TMEM209: variants seen among roughly 807,000 people sequenced by gnomAD.
TMEM209 encodes the protein transmembrane protein 209.
Under a neutral mutation model 76.2 loss-of-function variants are expected in TMEM209, and 65 were observed. The observed-to-expected ratio is 0.85, with a 90% CI of 0.70 to 1.05. The LOEUF is 1.05. TMEM209 is among the 50% of genes least tolerant of loss of function. TMEM209 has a pLI of 0.00. For missense variants in TMEM209, 623 were observed against 685.5 expected, an observed-to-expected ratio of 0.91 and a Z score of 1.02; for synonymous variants, 239 against 237.6, an observed-to-expected ratio of 1.01 and a Z score of -0.06.
chr7:130,176,115 CT>C (rs71178559), intron 10 of TMEM209, among the ~76,000 whole-genome samples: 160 of 140,420 alleles, frequency 1.1e-3, no homozygotes, highest in Middle Eastern at 3.6e-3. Context: ...TCACTGTATT[CT>C]TTTTTTTTTT....
chr7:130,189,371 T>C (rs1171000772), intron 6 of TMEM209, among the ~76,000 whole-genome samples: 1 of 152,044 alleles, frequency 6.6e-6, no homozygotes, highest in Non-Finnish European at 1.5e-5. Flanking sequence ...AATTTTTTAG[T>C]AGAGGTGGGG....
At chr7:130,204,211 T>TAC in intron 1 of TMEM209, 101 bp from the exon 2 acceptor site, 1 of 1,246,948 alleles carries the variant, frequency 8.0e-7, no homozygotes, top group Non-Finnish European at 1.1e-6. Context: ...AAACCGCATA[T>TAC]ACCTTCTCTC....
intron 6 of TMEM209, among the ~76,000 whole-genome samples, chr7:130,185,699 A>C: frequency 6.6e-6 from 1 of 152,232 alleles, no homozygotes; most frequent in East Asian, 1.9e-4. Context: ...AAATTTCTTT[A>C]GGAAATAAAT....
chr7:130,173,504 T>C (rs1265905104), intron 13 of TMEM209, 128 bp downstream of exon 13: 1 of 648,772 alleles, frequency 1.5e-6, no homozygotes. Context: ...GAAATATATA[T>C]GTAGGAAACA....
intron 5 of TMEM209, 153 bp downstream of exon 5, chr7:130,201,697 A>T: frequency 2.1e-6 from 2 of 935,848 alleles, no homozygotes; most frequent in Non-Finnish European, 3.1e-6. Context: ...TGTTGTGTTT[A>T]AGATATTATG....
intron 14 of TMEM209, among the ~76,000 whole-genome samples, chr7:130,167,256 T>A (rs1262741164): frequency 6.6e-6 from 1 of 152,178 alleles, no homozygotes; most frequent in Non-Finnish European, 1.5e-5. Flanking sequence ...TAGCCCTCTA[T>A]GACTTTTAAA....
chr7:130,174,035 T>C (rs945920641), intron 11 of TMEM209, 96 bp from the exon 12 acceptor site: 42 of 810,264 alleles, frequency 5.2e-5, no homozygotes, highest in Middle Eastern at 2.4e-4. Flanking sequence ...ACGATTCCAA[T>C]TAAAAAATTT....
intron 10 of TMEM209, among the ~76,000 whole-genome samples, chr7:130,177,408 C>G (rs1797274136): frequency 6.6e-6 from 1 of 150,830 alleles, no homozygotes; most frequent in Admixed American, 6.6e-5. Context: ...TATTAGTTTT[C>G]TAAAGGCTCA....
intron 5 of TMEM209, among the ~76,000 whole-genome samples, chr7:130,195,839 T>C (rs995010519): frequency 9.9e-5 from 15 of 152,198 alleles, no homozygotes; most frequent in African/African-American, 3.6e-4. Flanking sequence ...ATAATTCATA[T>C]TGAATACCAA....
At chr7:130,197,451 G>C (rs956817547) in intron 5 of TMEM209, among the ~76,000 whole-genome samples, 3 of 152,184 alleles carry the variant, frequency 2.0e-5, no homozygotes, top group African/African-American at 7.2e-5. Context: ...GGTTGCCAGA[G>C]ACTTAGGGGG....
intron 3 of TMEM209, among the ~76,000 whole-genome samples, 181 bp from the exon 4 acceptor site, chr7:130,202,844 T>C (rs1354121253): frequency 1.3e-5 from 2 of 152,116 alleles, no homozygotes; most frequent in Admixed American, 6.6e-5. Context: ...ATTGCAGCAC[T>C]CTGGGAGGCT....
chr7:130,169,305 G>A (rs945615144), intron 14 of TMEM209, among the ~76,000 whole-genome samples: 6 of 151,116 alleles, frequency 4.0e-5, no homozygotes, highest in African/African-American at 1.5e-4. Context: ...GCTTTCTCTA[G>A]AGCAGTGCTG....
chr7:130,204,147 G>A, intron 1 of TMEM209, 37 bp from the exon 2 acceptor site: 2 of 1,577,144 alleles, frequency 1.3e-6, no homozygotes, highest in African/African-American at 1.4e-5. Flanking sequence ...TTAACCAGAA[G>A]AAACTATTGC....
At chr7:130,205,292 G>A (rs1361741614) in intron 1 of TMEM209, 81 bp downstream of exon 1, 4 of 1,613,074 alleles carry the variant, frequency 2.5e-6, no homozygotes, top group African/African-American at 1.3e-5. Flanking sequence ...GCTGAACCCA[G>A]GACAGATCAG....
intron 13 of TMEM209, among the ~76,000 whole-genome samples, chr7:130,172,390 T>A (rs577756270): frequency 6.6e-6 from 1 of 152,078 alleles, no homozygotes; most frequent in Non-Finnish European, 1.5e-5. Flanking sequence ...CCACCCAGGC[T>A]GGAGTGCAGT....
intron 6 of TMEM209, chr7:130,192,107 A>T (rs1797817250): frequency 6.3e-6 from 1 of 158,786 alleles, no homozygotes; most frequent in South Asian, 1.8e-4. Flanking sequence ...ACTCTGTAAT[A>T]ATCAAATTCA....
chr7:130,205,020 T>C (rs1250339589), intron 1 of TMEM209: 1 of 1,230,172 alleles, frequency 8.1e-7, no homozygotes, highest in Non-Finnish European at 1.0e-6. Context: ...ACGTGCATTG[T>C]TTTGGTCCAC....
At chr7:130,202,350 A>G (rs998678578) in intron 4 of TMEM209, among the ~76,000 whole-genome samples, 182 bp downstream of exon 4, 1 of 152,238 alleles carries the variant, frequency 6.6e-6, no homozygotes, top group Non-Finnish European at 1.5e-5. Context: ...ACAAACTTCC[A>G]TGAAATAGCT....
chr7:130,192,281 A>T (rs898814064), intron 6 of TMEM209: 5 of 220,498 alleles, frequency 2.3e-5, no homozygotes, highest in South Asian at 1.5e-4. Flanking sequence ...ACCTTCCAAA[A>T]GACTACTTGA....
Sources: gnomAD v4.1 joint callset for allele counts (sites outside exome capture counted in the v4.1 genomes callset) on GRCh38, gnomAD v4.1.1 for gene constraint, MANE v1.5 for transcripts, NCBI Gene and HGNC (gene_info 2026-07-23, HGNC 2026-07-21) for gene names.